HECTD4: variants seen among roughly 807,000 people sequenced by gnomAD.
The protein encoded by HECTD4 is HECT domain E3 ubiquitin protein ligase 4.
A neutral mutation model predicts 471.5 loss-of-function variants in HECTD4; 114 were observed. The ratio of observed to expected loss-of-function variants is 0.24; its 90% CI spans 0.21 to 0.28. The LOEUF is 0.28. Ranked by LOEUF, HECTD4 falls within the 10% of genes least tolerant of loss-of-function variation. The pLI, the probability that HECTD4 is intolerant of heterozygous loss-of-function variation, is 1.00. For synonymous variants in HECTD4, 2,012 were observed against 2,256.0 expected, an observed-to-expected ratio of 0.89 and a Z score of 3.07; for missense variants, 3,866 against 5,651.5, an observed-to-expected ratio of 0.68 and a Z score of 10.13.
intron 1 of HECTD4, among the ~76,000 whole-genome samples, chr12:112,366,946 TC>T (rs2036572937): frequency 6.6e-6 from 1 of 150,660 alleles, no homozygotes; most frequent in Admixed American, 6.6e-5. Flanking sequence ...TTTTTTTGTA[TC>T]GTACATGTGG....
At chr12:112,236,803 C>T in intron 35 of HECTD4, 142 bp downstream of exon 35, 1 of 677,192 alleles carries the variant, frequency 1.5e-6, no homozygotes, top group Non-Finnish European at 2.3e-6. Flanking sequence ...ACTTTATCCT[C>T]CATTATTTTT....
intron 59 of HECTD4, 131 bp downstream of exon 59, chr12:112,192,429 C>A: frequency 1.6e-6 from 1 of 627,026 alleles, no homozygotes; most frequent in East Asian, 3.1e-5. Flanking sequence ...TTCCAGAAGT[C>A]CCCAGAAGTC....
At chr12:112,335,143 T>TATACAC (rs2035925238) in intron 1 of HECTD4, among the ~76,000 whole-genome samples, 1 of 146,812 alleles carries the variant, frequency 6.8e-6, no homozygotes, top group African/African-American at 2.5e-5. Flanking sequence ...GAAACTGTGA[T>TATACAC]ACACACACAC....
At chr12:112,366,234 G>A (rs1196233175) in intron 1 of HECTD4, among the ~76,000 whole-genome samples, 1 of 152,148 alleles carries the variant, frequency 6.6e-6, no homozygotes, top group Non-Finnish European at 1.5e-5. Flanking sequence ...TTTTGGCAGA[G>A]CACAGTGGCT....
rs925301623 is a variant in HECTD4, at chr12:112,161,065, ACCAGCAT to A, written c.*1315_*1321del. 1 of 152,208 alleles carries A rather than the reference ACCAGCAT, an allele frequency of 6.6e-6. No homozygotes were observed. Among genetic ancestry groups the A allele is most frequent in the Admixed American group, 6.5e-5 (1 of 15,274 alleles). 9.4% of individuals were successfully genotyped at this position (152,208 alleles called of 1,614,324 possible). ...GGCCAGGGCACATCTTCTTTCTTGG[ACCAGCAT>A]CCACACTCCAAAACCTTCTAGACAG... On this transcript the variant is annotated 3_prime_UTR_variant, in exon 76 of 76. Transcript: ENST00000682272.
Position 112,235,046 on chromosome 12 carries a change from G to A in HECTD4, c.5915+31C>T. ...GCCTGTGACATGGGTGGTGCTTGAG[G>A]ATGTGTAGCTATCACAATCATTATG... On this transcript the variant is annotated intron_variant, in intron 37 of 75. Coordinates refer to ENST00000682272, the MANE Select transcript of HECTD4 (RefSeq NM_001388303.1). The surrounding 1 kb of genome is among the most constrained non-coding windows in gnomAD (Gnocchi z 5.0). 1.3e-6 allele frequency: 2 copies of A among 1,542,682 alleles called. No individual in the cohort carries two copies. The highest frequency in any genetic ancestry group is 1.8e-6 in the Non-Finnish European group (2 of 1,140,508).
At chr12:112,237,908 C>T (rs1257313760) in intron 34 of HECTD4, among the ~76,000 whole-genome samples, 2 of 152,162 alleles carry the variant, frequency 1.3e-5, no homozygotes, top group East Asian at 1.9e-4. Context: ...GTATGTGCCA[C>T]CATGCCCGGC....
chr12:112,258,034 C>T (rs2034059910), intron 20 of HECTD4, among the ~76,000 whole-genome samples: 1 of 151,752 alleles, frequency 6.6e-6, no homozygotes, highest in Non-Finnish European at 1.5e-5. Context: ...CTAAAAAATA[C>T]AAAAATTAGC....
chr12:112,252,390 C>T (rs770614213), intron 23 of HECTD4, 34 bp downstream of exon 23: 5 of 1,555,686 alleles, frequency 3.2e-6, no homozygotes, highest in Admixed American at 4.1e-5. Context: ...GCAGATAGTA[C>T]ATTTTGTCCA....
intron 1 of HECTD4, among the ~76,000 whole-genome samples, chr12:112,371,823 T>G (rs2036678116): frequency 6.7e-6 from 1 of 148,914 alleles, no homozygotes. Flanking sequence ...GAGGCGGAGG[T>G]TGCGGTAAGC....
Position 112,243,946 on chromosome 12 carries a change from C to T in HECTD4, c.4577G>A (p.Arg1526His). 1 of 1,613,898 alleles carries T rather than the reference C, an allele frequency of 6.2e-7. No homozygotes were observed. Among genetic ancestry groups the T allele is most frequent in the Non-Finnish European group, 8.5e-7 (1 of 1,179,878 alleles). Residue 1526 changes from arginine (R) to histidine (H), a missense_variant, in exon 30 of 76, where the codon CGC becomes CAC. Around this residue, in one of 16 missense-constraint regions of HECTD4, gnomAD observed 229 missense variants for 386.4 expected, o/e 0.59. Coordinates refer to ENST00000682272, the MANE Select transcript of HECTD4 (RefSeq NM_001388303.1). The surrounding 1 kb of genome is among the most constrained non-coding windows in gnomAD (Gnocchi z 6.6). Reference sequence around the variant, plus strand: ...CAGGTCAGAAGGAGCTGACATGCTGCGAAGAAAAACAGGCTGCCTGACAGC... The same window carrying T: ...CAGGTCAGAAGGAGCTGACATGCTGTGAAGAAAAACAGGCTGCCTGACAGC... ...SHAVRQPVFL[R>H]SMSAPSDLEM...
chr12:112,168,329 T>C (rs961293010), intron 70 of HECTD4, among the ~76,000 whole-genome samples: 1 of 152,250 alleles, frequency 6.6e-6, no homozygotes, highest in Non-Finnish European at 1.5e-5. Flanking sequence ...CAGGACCACC[T>C]GTTTCACTCA....
At chr12:112,269,227 G>C (rs1242237068) in intron 13 of HECTD4, among the ~76,000 whole-genome samples, 1 of 152,082 alleles carries the variant, frequency 6.6e-6, no homozygotes, top group Non-Finnish European at 1.5e-5. Flanking sequence ...CACTTACTTT[G>C]CATCAGGCCT....
intron 52 of HECTD4, among the ~76,000 whole-genome samples, chr12:112,205,618 G>A (rs984969047): frequency 1.3e-5 from 2 of 151,558 alleles, no homozygotes; most frequent in African/African-American, 4.8e-5. Flanking sequence ...TTGAGACAGA[G>A]TCTTGCTCTG....
At chr12:112,170,982 G>C in intron 68 of HECTD4, 135 bp downstream of exon 68, 1 of 670,108 alleles carries the variant, frequency 1.5e-6, no homozygotes, top group Non-Finnish European at 2.4e-6. Flanking sequence ...AGCCCTGCCT[G>C]CTACATGAAA....
chr12:112,275,675 T>G (rs540026358), intron 9 of HECTD4, among the ~76,000 whole-genome samples: 1 of 152,118 alleles, frequency 6.6e-6, no homozygotes, highest in Non-Finnish European at 1.5e-5. Flanking sequence ...TTCTTCCCCA[T>G]TTTCAAACAA....
At chr12:112,346,116 T>C (rs971451566) in intron 1 of HECTD4, among the ~76,000 whole-genome samples, 2 of 152,162 alleles carry the variant, frequency 1.3e-5, no homozygotes, top group African/African-American at 2.4e-5. Flanking sequence ...ATTTCACAGG[T>C]GAGAAAACTG....
Position 112,342,216 on chromosome 12 carries a change from G to C in HECTD4, c.178-22474C>G, listed in dbSNP as rs144824768. Reference sequence around the variant, plus strand: ...CACACCTGTAATCCTAACACCTTGGGAGGCCAAGGCAAGAGGATTGCTTGA... The same window carrying C: ...CACACCTGTAATCCTAACACCTTGGCAGGCCAAGGCAAGAGGATTGCTTGA... On this transcript the variant is annotated intron_variant, in intron 1 of 75. Coordinates refer to ENST00000682272, the MANE Select transcript of HECTD4 (RefSeq NM_001388303.1). Among the ~76,000 whole-genome samples the C allele has an allele frequency of 7.2e-5, 11 of 152,294 alleles. No homozygotes were observed. The East Asian group carries it at 2.1e-3, about 29-fold the overall frequency.
At chr12:112,191,090 C>T (rs971270663) in intron 59 of HECTD4, 125 bp from the exon 60 acceptor site, 2 of 716,782 alleles carry the variant, frequency 2.8e-6, no homozygotes, top group Non-Finnish European at 4.5e-6. Flanking sequence ...TCATCTGCTC[C>T]AGCAGGAGGA....
Sources: allele counts gnomAD v4.1 joint callset (sites outside exome capture counted in the v4.1 genomes callset), GRCh38; gene constraint gnomAD v4.1.1; regional missense constraint gnomAD v4.1.1; non-coding constraint Gnocchi (gnomAD v3.1); transcripts MANE v1.5; gene names NCBI Gene and HGNC (gene_info 2026-07-23, HGNC 2026-07-21).